Variants in SLC13A1 observed in about 807,000 individuals in gnomAD.
SLC13A1 encodes the protein Na(+)/sulfate cotransporter.
In SLC13A1, 65 loss-of-function variants were observed where a neutral mutation model predicts 70.0. That is an observed-to-expected ratio of 0.93 (90% CI 0.76 to 1.14). The LOEUF (loss-of-function observed/expected upper bound fraction) is 1.14, where lower values mean the gene tolerates loss of function less well. SLC13A1 is among the 50% of genes most tolerant of loss of function. The pLI, the probability that SLC13A1 is intolerant of heterozygous loss-of-function variation, is 0.00. For missense variants in SLC13A1, 726 were observed against 717.8 expected, an observed-to-expected ratio of 1.01 and a Z score of -0.13; for synonymous variants, 275 against 250.5, an observed-to-expected ratio of 1.10 and a Z score of -0.92.
chr7:123,147,041 A>G, intron 7 of SLC13A1, 118 bp downstream of exon 7: 2 of 993,680 alleles, frequency 2.0e-6, no homozygotes, highest in Non-Finnish European at 2.9e-6. Context: ...CCTGAAGGGA[A>G]ACAAGGGAGA....
At chr7:123,149,475 G>C (rs1028948154) in intron 6 of SLC13A1, 1 of 456,384 alleles carries the variant, frequency 2.2e-6, no homozygotes, top group South Asian at 1.5e-5. Flanking sequence ...CCCTTCTTTC[G>C]ACTGTGATGG....
At chr7:123,127,838 ATTTTTTTTTTTTTTT>A (rs201644707) in intron 10 of SLC13A1, among the ~76,000 whole-genome samples, 1 of 106,788 alleles carries the variant, frequency 9.4e-6, no homozygotes, top group African/African-American at 4.0e-5. Context: ...CCAAAATACA[ATTTTTTTTTTTTTTT>A]TTTTTTTTTT....
At chr7:123,117,895 C>T (rs1049243125) in intron 13 of SLC13A1, among the ~76,000 whole-genome samples, 1 of 151,616 alleles carries the variant, frequency 6.6e-6, no homozygotes, top group African/African-American at 2.4e-5. Context: ...CCATTTATTA[C>T]TTATCTATTG....
chr7:123,156,465 A>G (rs767645024), intron 6 of SLC13A1, among the ~76,000 whole-genome samples: 4 of 152,102 alleles, frequency 2.6e-5, no homozygotes, highest in Non-Finnish European at 4.4e-5. Context: ...ATGTTGGTAG[A>G]TGATGTAACT....
intron 1 of SLC13A1, among the ~76,000 whole-genome samples, chr7:123,199,535 G>A (rs1417627580): frequency 1.3e-5 from 2 of 152,042 alleles, no homozygotes; most frequent in African/African-American, 4.8e-5. Flanking sequence ...GCTCCCTGGA[G>A]AATGACAACT....
intron 10 of SLC13A1, 66 bp downstream of exon 10, chr7:123,128,779 A>G (rs1793653079): frequency 2.1e-6 from 2 of 967,204 alleles, no homozygotes; most frequent in African/African-American, 1.7e-5. Flanking sequence ...GAATTACAGG[A>G]ACCACACAGG....
chr7:123,115,947 T>C (rs556356404), intron 14 of SLC13A1, among the ~76,000 whole-genome samples: 3 of 152,216 alleles, frequency 2.0e-5, no homozygotes, highest in African/African-American at 7.2e-5. Flanking sequence ...CAACTAAACA[T>C]CGTTGAGTTG....
At position 123,174,662 on chromosome 7, in the gene SLC13A1, T is replaced by C. The variant is rs147151500; in HGVS notation, c.229-2758A>G. On this transcript the variant is annotated intron_variant, in intron 2 of 14. Coordinates refer to ENST00000194130, the MANE Select transcript of SLC13A1 (RefSeq NM_022444.4). ...GTAAATCTGATCACATAATTGTCCT[T>C]CTTATACTTCTTCAGTATAGTTTTT... 5.1e-4 allele frequency among the ~76,000 whole-genome samples: 77 copies of C among 152,276 alleles called. 2 individuals carry two copies. In the East Asian group the frequency reaches 0.015, roughly 29 times the overall value.
chr7:123,151,056 G>A (rs1260308023), intron 6 of SLC13A1, among the ~76,000 whole-genome samples: 1 of 152,058 alleles, frequency 6.6e-6, no homozygotes, highest in East Asian at 1.9e-4. Flanking sequence ...AGGCACAGTG[G>A]CTCATTCCTG....
intron 1 of SLC13A1, among the ~76,000 whole-genome samples, chr7:123,184,091 G>A (rs1483670940): frequency 3.9e-5 from 6 of 152,036 alleles, no homozygotes; most frequent in Non-Finnish European, 1.5e-5. Context: ...GTCTGGAAAA[G>A]GAGGAAGACA....
intron 1 of SLC13A1, among the ~76,000 whole-genome samples, chr7:123,192,115 T>C (rs1160148136): frequency 6.6e-6 from 1 of 152,138 alleles, no homozygotes; most frequent in Admixed American, 6.6e-5. Flanking sequence ...GGTGAATGTG[T>C]TTACAATTTT....
At chr7:123,170,412 A>G (rs560734037) in intron 3 of SLC13A1, among the ~76,000 whole-genome samples, 1 of 152,372 alleles carries the variant, frequency 6.6e-6, no homozygotes, top group South Asian at 2.1e-4. Context: ...TGCCAGGATC[A>G]GATAAAGCTT....
Position 123,199,889 on chromosome 7 carries a change from C to G in SLC13A1, c.58G>C (p.Val20Leu). The G allele has an allele frequency of 6.2e-7, 1 of 1,613,114 alleles. No individual in the cohort carries two copies. The highest frequency in any genetic ancestry group is 8.5e-7 in the Non-Finnish European group (1 of 1,179,384). Residue 20 changes from valine (V) to leucine (L), a missense_variant, in exon 1 of 15, where the codon GTG (valine) becomes CTG (leucine). By Grantham distance (32) the Val-to-Leu change is conservative. Transcript: ENST00000194130. ...YRRFLFVVFT[V>L]LVLLPLPIVL... Reference sequence around the variant, plus strand: ...ATGGGCAGAGGTAGTAAAACCAACACAGTGAAAACCACGAAGAGAAATCGG... The same window carrying G: ...ATGGGCAGAGGTAGTAAAACCAACAGAGTGAAAACCACGAAGAGAAATCGG...
At chr7:123,117,411 A>G in intron 14 of SLC13A1, 60 bp downstream of exon 14, 4 of 1,537,228 alleles carry the variant, frequency 2.6e-6, no homozygotes, top group Non-Finnish European at 2.7e-6. Context: ...AGATAATTCA[A>G]GACATGGCAC....
At chr7:123,179,396 G>A (rs1795562535) in intron 2 of SLC13A1, among the ~76,000 whole-genome samples, 1 of 152,132 alleles carries the variant, frequency 6.6e-6, no homozygotes, top group African/African-American at 2.4e-5. Flanking sequence ...AGATATTGGA[G>A]ATATTGGATG....
At chr7:123,177,797 C>CT (rs1435682999) in intron 2 of SLC13A1, among the ~76,000 whole-genome samples, 2 of 152,078 alleles carry the variant, frequency 1.3e-5, no homozygotes, top group Non-Finnish European at 2.9e-5. Flanking sequence ...CCTGTTGCAT[C>CT]TTTTCCATAG....
At chr7:123,157,150 T>C (rs990590978) in intron 6 of SLC13A1, among the ~76,000 whole-genome samples, 10 of 152,096 alleles carry the variant, frequency 6.6e-5, no homozygotes, top group African/African-American at 2.4e-4. Context: ...ATGAAAGTAC[T>C]AGATAAGTGA....
chr7:123,173,970 G>GTTTT (rs35330071), intron 2 of SLC13A1, among the ~76,000 whole-genome samples: 1 of 130,186 alleles, frequency 7.7e-6, no homozygotes, highest in Non-Finnish European at 1.6e-5. Context: ...TCGGGAAGCT[G>GTTTT]TTTTTTTTTT....
In SLC13A1 at chr7:123,139,286, A is replaced by G. The variant is rs890139261; in HGVS notation, c.813-4757T>C. Among the ~76,000 whole-genome samples the G allele has an allele frequency of 2.0e-5, 3 of 152,016 alleles. No homozygotes were observed. The East Asian group carries it at 5.8e-4, about 29-fold the overall frequency. On this transcript the variant is annotated intron_variant, in intron 7 of 14. Coordinates refer to ENST00000194130, the MANE Select transcript of SLC13A1 (RefSeq NM_022444.4). ...TCCATTGGTCTATGTGTCTGTTTATATACCAGTACCATGCTGTCTTGATTA... is the reference window on the plus strand; with the variant it reads ...TCCATTGGTCTATGTGTCTGTTTATGTACCAGTACCATGCTGTCTTGATTA...
Sources: gnomAD v4.1 joint callset for allele counts (sites outside exome capture counted in the v4.1 genomes callset) on GRCh38, gnomAD v4.1.1 for gene constraint, MANE v1.5 for transcripts, NCBI Gene and HGNC (gene_info 2026-07-23, HGNC 2026-07-21) for gene names.